MLPH: variants seen among roughly 807,000 people sequenced by gnomAD.
The protein encoded by MLPH is exophilin-3.
In MLPH, 51 loss-of-function variants were observed where a neutral mutation model predicts 72.1. The ratio of observed to expected loss-of-function variants is 0.71; its 90% CI spans 0.56 to 0.89. MLPH has a LOEUF of 0.89. MLPH is among the 40% of genes least tolerant of loss of function. The pLI, the probability that MLPH is intolerant of heterozygous loss-of-function variation, is 0.00. For missense variants in MLPH, 743 were observed against 759.9 expected, an observed-to-expected ratio of 0.98 and a Z score of 0.26; for synonymous variants, 301 against 310.1, an observed-to-expected ratio of 0.97 and a Z score of 0.31.
At chr2:237,526,637 T>C (rs752249111) in intron 7 of MLPH, among the ~76,000 whole-genome samples, 3 of 152,150 alleles carry the variant, frequency 2.0e-5, no homozygotes, top group Non-Finnish European at 4.4e-5. Context: ...GGAGGCAGTC[T>C]GGGGGAGAGG....
intron 2 of MLPH, among the ~76,000 whole-genome samples, chr2:237,509,658 A>G (rs2079848558): frequency 6.6e-6 from 1 of 152,208 alleles, no homozygotes; most frequent in Non-Finnish European, 1.5e-5. Context: ...AAGCTATGAC[A>G]AGAGCCTGAT....
intron 4 of MLPH, 79 bp downstream of exon 4, chr2:237,511,180 A>ATG (rs745488889): frequency 1.3e-4 from 144 of 1,108,162 alleles, no homozygotes; most frequent in Middle Eastern, 2.1e-4. Flanking sequence ...TGGAGTGTGC[A>ATG]TGTGTGTGTG....
In MLPH at chr2:237,506,782, G is replaced by A. The variant is rs575108377; in HGVS notation, c.111-3792G>A. On this transcript the variant is annotated intron_variant, in intron 2 of 15. Transcript: ENST00000264605. ...TTTAGTTTTTACTTCTTTTTTCTTT[G>A]GAGGCAGAAATTGGGCATAAGACAA... Among the ~76,000 whole-genome samples, 10 of 152,164 alleles carry A rather than the reference G, an allele frequency of 6.6e-5. No homozygotes were observed. In the South Asian group the frequency reaches 1.9e-3, roughly 28 times the overall value.
chr2:237,531,230 T>G (rs988780096), intron 8 of MLPH, among the ~76,000 whole-genome samples: 3 of 152,028 alleles, frequency 2.0e-5, no homozygotes, highest in Non-Finnish European at 1.5e-5. Flanking sequence ...CATTCTACAG[T>G]TATTCTGAGA....
intron 8 of MLPH, 124 bp from the exon 9 acceptor site, chr2:237,534,440 G>T: frequency 1.3e-6 from 1 of 797,774 alleles, no homozygotes. Context: ...CATGTCATGG[G>T]TGGTGGCCTT....
chr2:237,495,100 G>A (rs1205932556), intron 2 of MLPH, among the ~76,000 whole-genome samples: 4 of 152,188 alleles, frequency 2.6e-5, no homozygotes, highest in African/African-American at 9.6e-5. Flanking sequence ...TCAGCACAAT[G>A]TCTAACAATG....
chr2:237,524,302 A>ATATATATATATATATATATAT (rs2080253513), intron 6 of MLPH, among the ~76,000 whole-genome samples: 1 of 127,368 alleles, frequency 7.9e-6, no homozygotes, highest in African/African-American at 4.1e-5. Flanking sequence ...GAACTAATAG[A>ATATATATATATATATATATAT]ATATATATAT....
In MLPH at chr2:237,508,578, A is replaced by T. The variant is rs190061257; in HGVS notation, c.111-1996A>T. The stretch of plus-strand genomic sequence containing the variant: ...GATGTCTCAGCATTATTACAAAAAT[A>T]GCTTTGGCCTTGTGACTCACCCCCC... On this transcript the variant is annotated intron_variant, in intron 2 of 15. Coordinates refer to ENST00000264605, the MANE Select transcript of MLPH (RefSeq NM_024101.7). 2.7e-3 allele frequency among the ~76,000 whole-genome samples: 405 copies of T among 152,316 alleles called. 5 individuals carry two copies. Among genetic ancestry groups the T allele is most frequent in the Non-Finnish European group, 4.0e-3 (272 of 68,014 alleles).
chr2:237,495,098 A>G (rs773288892), intron 2 of MLPH, among the ~76,000 whole-genome samples: 6 of 152,010 alleles, frequency 3.9e-5, no homozygotes, highest in African/African-American at 7.3e-5. Context: ...CATCAGCACA[A>G]TGTCTAACAA....
chr2:237,509,861 C>T (rs1460328958), intron 2 of MLPH, among the ~76,000 whole-genome samples: 1 of 152,188 alleles, frequency 6.6e-6, no homozygotes, highest in Admixed American at 6.5e-5. Flanking sequence ...GACAATGGCA[C>T]CTAGTGTCCT....
chr2:237,507,968 G>T (rs75393846), intron 2 of MLPH, among the ~76,000 whole-genome samples: 2 of 152,064 alleles, frequency 1.3e-5, no homozygotes, highest in African/African-American at 4.8e-5. Flanking sequence ...CCTTCAACAC[G>T]TGGCACAAGA....
At chr2:237,545,703 C>T (rs554591901) in intron 12 of MLPH, 2 of 1,183,890 alleles carry the variant, frequency 1.7e-6, no homozygotes, top group East Asian at 1.2e-4. Context: ...CAAAACCATC[C>T]TGATTAGGAC....
intron 2 of MLPH, among the ~76,000 whole-genome samples, chr2:237,499,516 A>T (rs933632933): frequency 2.0e-5 from 3 of 152,164 alleles, no homozygotes; most frequent in African/African-American, 7.2e-5. Context: ...GCTGGAAGTC[A>T]TCATAAGGAG....
intron 2 of MLPH, among the ~76,000 whole-genome samples, chr2:237,503,873 G>A (rs970257848): frequency 3.3e-5 from 5 of 152,130 alleles, no homozygotes; most frequent in African/African-American, 9.7e-5. Flanking sequence ...CTCTGAATTC[G>A]TGAGGCTATA....
At position 237,510,938 on chromosome 2, in the gene MLPH, G is replaced by A. The variant is rs774392293; in HGVS notation, c.333-51G>A. 3 of 1,541,610 alleles carry A rather than the reference G, an allele frequency of 1.9e-6. No individual in the cohort carries two copies. The South Asian group carries it at 3.4e-5, about 17-fold the overall frequency. Reference sequence around the variant, plus strand: ...GTGTGTGTGTGTGAGATTTATGCAGGCCTGTGTACAGCACTCAGGCAGTGC... The same window carrying A: ...GTGTGTGTGTGTGAGATTTATGCAGACCTGTGTACAGCACTCAGGCAGTGC... On this transcript the variant is annotated intron_variant, in intron 3 of 15. Transcript: ENST00000264605. This position sits in a 1 kb window ranked among gnomAD's most constrained non-coding sequence, Gnocchi z 4.4.
At chr2:237,509,394 T>G (rs1331979192) in intron 2 of MLPH, among the ~76,000 whole-genome samples, 1 of 152,022 alleles carries the variant, frequency 6.6e-6, no homozygotes, top group African/African-American at 2.4e-5. Flanking sequence ...GAAGAAGAGG[T>G]TCTCCCTGGG....
chr2:237,546,744 C>T, intron 13 of MLPH, 61 bp downstream of exon 13: 1 of 1,432,990 alleles, frequency 7.0e-7, no homozygotes, highest in Admixed American at 1.7e-5. Context: ...GCACCCCTTT[C>T]CAGCAGTGTG....
chr2:237,502,554 G>T lies in MLPH; in HGVS notation c.111-8020G>T, dbSNP rs185222474. ...AGCTGTGGTTATGGTAGAAATTAAT[G>T]GATATTCTCCAAACCCAGGAAGAAC... On this transcript the variant is annotated intron_variant, in intron 2 of 15. Transcript: ENST00000264605. 3.5e-3 allele frequency among the ~76,000 whole-genome samples: 540 copies of T among 152,280 alleles called. 2 individuals carry two copies. The highest frequency in any genetic ancestry group is 0.012 in the African/African-American group (519 of 41,546).
intron 1 of MLPH, among the ~76,000 whole-genome samples, chr2:237,488,767 G>A (rs929567454): frequency 6.6e-6 from 1 of 152,174 alleles, no homozygotes; most frequent in Non-Finnish European, 1.5e-5. Context: ...CCCAGTGAGG[G>A]GCTGGAGGTG....
Sources: allele counts gnomAD v4.1 joint callset (sites outside exome capture counted in the v4.1 genomes callset), GRCh38; gene constraint gnomAD v4.1.1; non-coding constraint Gnocchi (gnomAD v3.1); transcripts MANE v1.5; gene names NCBI Gene and HGNC (gene_info 2026-07-23, HGNC 2026-07-21).